Variants in LCP1 observed in about 807,000 individuals in gnomAD.
LCP1 encodes plastin-2.
LCP1 carries 23 observed loss-of-function variants against 72.0 expected under a neutral mutation model. That is an observed-to-expected ratio of 0.32 (90% CI 0.23 to 0.45). The LOEUF (loss-of-function observed/expected upper bound fraction) is 0.45. Among genes scored for constraint, LCP1 ranks in the 20% least tolerant of loss-of-function variants. The pLI is 1.00. For synonymous variants in LCP1, 245 were observed against 275.4 expected (o/e 0.89, Z 1.09); for missense variants, 571 against 748.3 (o/e 0.76, Z 2.76).
At position 46,152,951 on chromosome 13, in the gene LCP1, G is replaced by A. The variant is rs759917819; in HGVS notation, c.574-6C>T. On this transcript the variant is annotated splice_region_variant and splice_polypyrimidine_tract_variant and intron_variant, in intron 6 of 15. Coordinates refer to ENST00000323076, the MANE Select transcript of LCP1 (RefSeq NM_002298.5). ...AGAGCCAAGTTCAGATTTTCCTGAG[G>A]GAGAAAATGTATGCAAGTTTTTGTT... 1 of 1,602,660 alleles carries A rather than the reference G, an allele frequency of 6.2e-7. No homozygotes were observed. Among genetic ancestry groups the A allele is most frequent in the Non-Finnish European group, 8.5e-7 (1 of 1,176,304 alleles).
At chr13:46,159,441 T>C in intron 2 of LCP1, 158 bp downstream of exon 2, 1 of 610,410 alleles carries the variant, frequency 1.6e-6, no homozygotes, top group South Asian at 2.0e-5. Context: ...TATTGAAGCA[T>C]ATTTTTCAAA....
intron 12 of LCP1, 144 bp from the exon 13 acceptor site, chr13:46,142,569 T>A: frequency 1.2e-6 from 1 of 861,290 alleles, no homozygotes; most frequent in Non-Finnish European, 1.7e-6. Context: ...TCTGCAATTC[T>A]AGGATTCAAA....
chr13:46,141,444 C>A (rs1256899091), intron 13 of LCP1, among the ~76,000 whole-genome samples: 1 of 143,114 alleles, frequency 7.0e-6, no homozygotes, highest in Non-Finnish European at 1.5e-5. Context: ...CAATGTACAT[C>A]ATAATAAAAT....
In LCP1 at chr13:46,127,467, T is replaced by C. The variant is rs1345853360; in HGVS notation, c.*124A>G. ...GAGGCTACTTGGCTGCACTAATATG[T>C]GCTTTTTGGAATCTTATAGAGTGTC... On this transcript the variant is annotated 3_prime_UTR_variant, in exon 16 of 16. Transcript: ENST00000323076. 3.9e-6 allele frequency: 5 copies of C among 1,274,586 alleles called. No homozygotes were observed. The highest frequency in any genetic ancestry group is 5.4e-6 in the Non-Finnish European group (5 of 921,494). 79.0% of individuals were successfully genotyped at this position (1,274,586 alleles called of 1,614,324 possible).
At chr13:46,154,454 AC>A (rs1396508658) in intron 6 of LCP1, among the ~76,000 whole-genome samples, 2 of 152,016 alleles carry the variant, frequency 1.3e-5, no homozygotes, top group Non-Finnish European at 2.9e-5. Flanking sequence ...CCCGTTTTTC[AC>A]CCCCTCGCTT....
At chr13:46,146,774 G>A (rs2045733103) in intron 10 of LCP1, 134 bp downstream of exon 10, 4 of 849,388 alleles carry the variant, frequency 4.7e-6, no homozygotes, top group Non-Finnish European at 7.9e-6. Flanking sequence ...TATTCTCTTT[G>A]TTGCATACCA....
intron 13 of LCP1, among the ~76,000 whole-genome samples, chr13:46,139,565 TTGAG>T: frequency 6.6e-6 from 1 of 152,320 alleles, no homozygotes; most frequent in Middle Eastern, 3.4e-3. Flanking sequence ...GGAAAATGAA[TTGAG>T]TCACACTAAC....
chr13:46,131,075 A>G (rs1193361933), intron 14 of LCP1, 137 bp from the exon 15 acceptor site: 9 of 851,714 alleles, frequency 1.1e-5, no homozygotes, highest in Non-Finnish European at 1.4e-5. Context: ...AGTATTCCAC[A>G]TAGTGTTTCA....
chr13:46,144,045 G>A lies in LCP1; in HGVS notation c.1253+397C>T, dbSNP rs113769616. Among the ~76,000 whole-genome samples, 611 of 151,684 alleles carry A rather than the reference G, an allele frequency of 4.0e-3. 4 individuals are homozygous for A. The highest frequency in any genetic ancestry group is 0.014 in the African/African-American group (574 of 41,330). The stretch of plus-strand genomic sequence containing the variant: ...TGCGCCACCGCACTCCAGCCTGGGC[G>A]ACAGAGCGAGACTCCATCTCAAAAA... On this transcript the variant is annotated intron_variant, in intron 11 of 15. Transcript: ENST00000323076.
chr13:46,149,892 C>T (rs2045753530), intron 8 of LCP1, among the ~76,000 whole-genome samples: 1 of 152,184 alleles, frequency 6.6e-6, no homozygotes, highest in South Asian at 2.1e-4. Context: ...TGTTAAAACC[C>T]AGGTCGGTTG....
chr13:46,153,701 C>CAAA (rs1237525744), intron 6 of LCP1, among the ~76,000 whole-genome samples: 181 of 74,852 alleles, frequency 2.4e-3, no homozygotes, highest in African/African-American at 8.7e-3. Flanking sequence ...AACTCCATCT[C>CAAA]AAAAAAAAAA....
chr13:46,131,513 CA>C (rs1233137841), intron 14 of LCP1, among the ~76,000 whole-genome samples: 1 of 152,062 alleles, frequency 6.6e-6, no homozygotes, highest in African/African-American at 2.4e-5. Flanking sequence ...GGTACATACT[CA>C]AAGGAAAATA....
Position 46,167,869 on chromosome 13 carries a change from T to A in LCP1, c.-24-8183A>T, listed in dbSNP as rs117169225. Among the ~76,000 whole-genome samples the A allele has an allele frequency of 6.8e-3, 1,043 of 152,312 alleles. 2 individuals are homozygous for A. Among genetic ancestry groups the A allele is most frequent in the Non-Finnish European group, 9.1e-3 (620 of 68,008 alleles). On this transcript the variant is annotated intron_variant, in intron 1 of 15. Transcript: ENST00000323076. ...CAAGTTTCAAATGCAGCACATGGAT[T>A]ACAGCTAATTTACTGTGAAATAGTT... is the stretch of plus-strand genomic sequence containing the variant.
chr13:46,141,912 A>T (rs905252462), intron 13 of LCP1, among the ~76,000 whole-genome samples: 1 of 152,214 alleles, frequency 6.6e-6, no homozygotes, highest in African/African-American at 2.4e-5. Flanking sequence ...AAGATAGGCC[A>T]TGCTAACCAC....
Position 46,126,857 on chromosome 13 carries a change from G to C in LCP1, c.*734C>G, listed in dbSNP as rs940589650. The C allele has an allele frequency of 9.5e-5, 22 of 230,610 alleles. No individual in the cohort carries two copies. The highest frequency in any genetic ancestry group is 4.6e-4 in the African/African-American group (21 of 45,186). 14.3% of individuals were successfully genotyped at this position (230,610 alleles called of 1,614,324 possible). On this transcript the variant is annotated 3_prime_UTR_variant, in exon 16 of 16. Transcript: ENST00000323076. ...AGATCTGGTCCAAGCCCAAATTCTA[G>C]AGTTAAAAGCAGAGGGGTTCTTAGT...
chr13:46,168,115 C>A (rs1432847704), intron 1 of LCP1, among the ~76,000 whole-genome samples: 1 of 152,094 alleles, frequency 6.6e-6, no homozygotes, highest in African/African-American at 2.4e-5. Context: ...AAATAACTGG[C>A]AGGAAATAGA....
rs2045595943 is a variant in LCP1 at position 46,125,984 on chromosome 13, G to A, written c.*1607C>T. 2 of 195,344 alleles carry A rather than the reference G, an allele frequency of 1.0e-5. No homozygotes were observed. Among genetic ancestry groups the A allele is most frequent in the Non-Finnish European group, 2.1e-5 (2 of 93,798 alleles). The allele number at this position is 195,344 out of a possible 1,614,324, so 12.1% of individuals were successfully genotyped here. On this transcript the variant is annotated 3_prime_UTR_variant, in exon 16 of 16. Coordinates refer to ENST00000323076, the MANE Select transcript of LCP1 (RefSeq NM_002298.5). Reference sequence around the variant, plus strand: ...CATTCTCTTTTCATTTTTTATTAAGGCAGTAACATTCTTTCTTCCTGGAGG... The same window carrying A: ...CATTCTCTTTTCATTTTTTATTAAGACAGTAACATTCTTTCTTCCTGGAGG...
intron 11 of LCP1, among the ~76,000 whole-genome samples, chr13:46,143,925 G>T (rs1467800072): frequency 6.6e-6 from 1 of 152,130 alleles, no homozygotes; most frequent in East Asian, 1.9e-4. Flanking sequence ...AATTAGCCAG[G>T]CATGGTGGCA....
At chr13:46,144,555 G>A (rs368870754) in intron 10 of LCP1, 35 bp from the exon 11 acceptor site, 89 of 1,490,230 alleles carry the variant, frequency 6.0e-5, no homozygotes, top group Middle Eastern at 5.1e-4. Flanking sequence ...TTTTGGGACC[G>A]AAGAAAACAT....
Sources: allele counts gnomAD v4.1 joint callset (sites outside exome capture counted in the v4.1 genomes callset), GRCh38; gene constraint gnomAD v4.1.1; transcripts MANE v1.5; gene names NCBI Gene and HGNC (gene_info 2026-07-23, HGNC 2026-07-21).